NKAIN2: variants seen among roughly 807,000 people sequenced by gnomAD.
The protein encoded by NKAIN2 is sodium/potassium-transporting ATPase subunit beta-1-interacting protein 2.
A neutral mutation model predicts 32.6 loss-of-function variants in NKAIN2; 14 were observed. That is an observed-to-expected ratio of 0.43 (90% CI 0.28 to 0.67). The LOEUF is 0.67. NKAIN2 is among the 30% of genes least tolerant of loss of function. The pLI, the probability that NKAIN2 is intolerant of heterozygous loss-of-function variation, is 0.17. For missense variants in NKAIN2, 198 were observed against 258.3 expected, an observed-to-expected ratio of 0.77 and a Z score of 1.60; for synonymous variants, 80 against 87.2, an observed-to-expected ratio of 0.92 and a Z score of 0.46.
Position 124,658,232 on chromosome 6 carries a change from G to T in NKAIN2, c.320G>T (p.Trp107Leu). The T allele has an allele frequency of 6.2e-7, 1 of 1,613,856 alleles. No individual in the cohort carries two copies. Among genetic ancestry groups the T allele is most frequent in the Non-Finnish European group, 8.5e-7 (1 of 1,179,892 alleles). ...TTTAATATATCAATGCACCGATCTT[G>T]GTGGATGGAGAATGGACCAGGATGT... is the stretch of plus-strand genomic sequence containing the variant. ...LTFNISMHRS[W>L]WMENGPGCTV... Residue 107 changes from tryptophan (W) to leucine (L), a missense_variant, in exon 4 of 7, where the codon TGG (tryptophan) becomes TTG (leucine). Trp to Leu is a moderately conservative substitution (Grantham distance 61). Coordinates refer to ENST00000368417, the MANE Select transcript of NKAIN2 (RefSeq NM_001040214.3).
At chr6:123,861,689 A>G (rs1338382005) in intron 1 of NKAIN2, among the ~76,000 whole-genome samples, 1 of 152,200 alleles carries the variant, frequency 6.6e-6, no homozygotes, top group African/African-American at 2.4e-5. Flanking sequence ...TCATTTTATT[A>G]TCTTCATCCG....
intron 1 of NKAIN2, among the ~76,000 whole-genome samples, chr6:123,999,452 G>A (rs1175613040): frequency 4.6e-5 from 7 of 151,998 alleles, no homozygotes; most frequent in African/African-American, 1.7e-4. Flanking sequence ...TATTGCCACC[G>A]TAACTGAAAT....
At chr6:123,838,597 T>C (rs188618166) in intron 1 of NKAIN2, among the ~76,000 whole-genome samples, 3 of 152,276 alleles carry the variant, frequency 2.0e-5, no homozygotes. Flanking sequence ...ACCTAATATA[T>C]TGATTTTGTT....
intron 1 of NKAIN2, among the ~76,000 whole-genome samples, chr6:124,142,919 C>T (rs997907628): frequency 3.9e-5 from 6 of 152,074 alleles, no homozygotes; most frequent in East Asian, 1.9e-4. Flanking sequence ...ATGCAGCAAC[C>T]GGTAAAAGGG....
chr6:124,110,441 A>T (rs911964517), intron 1 of NKAIN2, among the ~76,000 whole-genome samples: 1 of 152,000 alleles, frequency 6.6e-6, no homozygotes, highest in African/African-American at 2.4e-5. Context: ...GAGTGCATGT[A>T]CGGATTTTTT....
chr6:124,073,503 ACT>A, intron 1 of NKAIN2, among the ~76,000 whole-genome samples: 1 of 152,024 alleles, frequency 6.6e-6, no homozygotes, highest in South Asian at 2.1e-4. Flanking sequence ...TCTTGGAGTG[ACT>A]CTATGTGAGA....
intron 1 of NKAIN2, among the ~76,000 whole-genome samples, chr6:123,918,527 C>T (rs539784750): frequency 6.6e-6 from 1 of 152,296 alleles, no homozygotes; most frequent in South Asian, 2.1e-4. Flanking sequence ...TTGGTGGCTA[C>T]TGTGTTGGTT....
At chr6:124,441,955 A>AT (rs147303603) in intron 3 of NKAIN2, among the ~76,000 whole-genome samples, 6,317 of 152,054 alleles carry the variant, frequency 0.042, 474 homozygotes, top group African/African-American at 0.14. Context: ...ATTTTTGTAA[A>AT]TGGGCCCATG....
intron 1 of NKAIN2, among the ~76,000 whole-genome samples, chr6:123,859,710 G>T (rs1775705175): frequency 6.6e-6 from 1 of 152,098 alleles, no homozygotes; most frequent in East Asian, 1.9e-4. Flanking sequence ...TTGTTTTTGA[G>T]ATGGAGTCTC....
chr6:124,562,704 A>G (rs565006863), intron 3 of NKAIN2, among the ~76,000 whole-genome samples: 1 of 152,220 alleles, frequency 6.6e-6, no homozygotes, highest in African/African-American at 2.4e-5. Context: ...CCAAAGCAAA[A>G]AACTTCCATG....
chr6:123,884,984 G>A (rs1197661215), intron 1 of NKAIN2, among the ~76,000 whole-genome samples: 2 of 152,020 alleles, frequency 1.3e-5, no homozygotes, highest in African/African-American at 4.8e-5. Context: ...ATTATCTCAG[G>A]TGCAGTTTTA....
intron 3 of NKAIN2, among the ~76,000 whole-genome samples, chr6:124,572,618 C>G (rs1160720998): frequency 2.6e-5 from 4 of 151,796 alleles, no homozygotes; most frequent in African/African-American, 9.7e-5. Context: ...TGAATAGTCA[C>G]ACAAAGATAT....
chr6:124,308,753 T>C (rs1796609600), intron 2 of NKAIN2, among the ~76,000 whole-genome samples: 1 of 152,162 alleles, frequency 6.6e-6, no homozygotes, highest in African/African-American at 2.4e-5. Flanking sequence ...TATTTACCCA[T>C]TTTATGGTAC....
chr6:123,808,849 G>A (rs1050868115), intron 1 of NKAIN2, among the ~76,000 whole-genome samples: 1 of 152,218 alleles, frequency 6.6e-6, no homozygotes, highest in Admixed American at 6.5e-5. Context: ...CAGAGTGGAA[G>A]TCAGGGATTC....
In NKAIN2 at chr6:124,270,314, A is replaced by T. The variant is rs1794698308; in HGVS notation, c.55-12691A>T. On this transcript the variant is annotated intron_variant, in intron 1 of 6. Transcript: ENST00000368417. ...ATTCATAAAATAAAAATGCAAATGA[A>T]ACACACAAATATTTATCAAGACCCA... Among the ~76,000 whole-genome samples the T allele has an allele frequency of 2.0e-5, 3 of 152,208 alleles. No homozygotes were observed. The South Asian group carries it at 6.2e-4, about 32-fold the overall frequency.
chr6:124,375,333 A>C (rs11154234), intron 3 of NKAIN2, among the ~76,000 whole-genome samples: 1 of 149,372 alleles, frequency 6.7e-6, no homozygotes, highest in African/African-American at 2.4e-5. Context: ...ATGGGGACTT[A>C]CCTCTTCCAT....
At chr6:124,205,723 C>G (rs894066234) in intron 1 of NKAIN2, among the ~76,000 whole-genome samples, 9 of 151,640 alleles carry the variant, frequency 5.9e-5, no homozygotes, top group African/African-American at 2.2e-4. Context: ...TGGATCTACA[C>G]ATAAGAAAGT....
At chr6:124,075,528 G>A (rs529854180) in intron 1 of NKAIN2, among the ~76,000 whole-genome samples, 49 of 152,218 alleles carry the variant, frequency 3.2e-4, no homozygotes, top group African/African-American at 1.1e-3. Context: ...ATCCTACTGT[G>A]AATTCTAAGG....
intron 1 of NKAIN2, among the ~76,000 whole-genome samples, chr6:123,856,102 A>G (rs1001745193): frequency 6.6e-6 from 1 of 152,156 alleles, no homozygotes; most frequent in Non-Finnish European, 1.5e-5. Flanking sequence ...TTTTTCACTT[A>G]TCATAATGAG....
Sources: gnomAD v4.1 joint callset for allele counts (sites outside exome capture counted in the v4.1 genomes callset) on GRCh38, gnomAD v4.1.1 for gene constraint, MANE v1.5 for transcripts, NCBI Gene and HGNC (gene_info 2026-07-23, HGNC 2026-07-21) for gene names.